The following NOS1AP variants were observed in gnomAD, a reference collection of about 807,000 sequenced individuals.
NOS1AP encodes nitric oxide synthase 1 adaptor protein.
NOS1AP carries 21 observed loss-of-function variants against 56.2 expected under a neutral mutation model. The observed-to-expected ratio is 0.37, with a 90% CI of 0.26 to 0.54. The LOEUF is 0.54. Ranked by LOEUF, NOS1AP falls within the 20% of genes least tolerant of loss-of-function variation. The pLI is 0.84. For synonymous variants in NOS1AP, 270 were observed against 274.6 expected (o/e 0.98, Z 0.17); for missense variants, 522 against 657.8 (o/e 0.79, Z 2.26).
chr1:162,179,736 G>C (rs1195067794), intron 2 of NOS1AP, among the ~76,000 whole-genome samples: 1 of 152,168 alleles, frequency 6.6e-6, no homozygotes, highest in Admixed American at 6.5e-5. Context: ...AGGGAGGGCT[G>C]GAGAGAGATG....
chr1:162,242,485 T>G (rs935915029), intron 2 of NOS1AP, among the ~76,000 whole-genome samples: 1 of 152,200 alleles, frequency 6.6e-6, no homozygotes, highest in Non-Finnish European at 1.5e-5. Flanking sequence ...CAGCTCCAGC[T>G]GAGCTCCCAG....
intron 2 of NOS1AP, among the ~76,000 whole-genome samples, chr1:162,160,379 A>G (rs1321856855): frequency 6.6e-6 from 1 of 152,194 alleles, no homozygotes; most frequent in Non-Finnish European, 1.5e-5. Context: ...TTCTCTCAAG[A>G]AAAACAAAAA....
chr1:162,355,514 G>A (rs1657673083), intron 7 of NOS1AP, among the ~76,000 whole-genome samples, 161 bp downstream of exon 7: 1 of 152,210 alleles, frequency 6.6e-6, no homozygotes, highest in Admixed American at 6.5e-5. Flanking sequence ...CTGACTTCCA[G>A]AGGGTCTGAA....
chr1:162,321,733 T>A (rs916944833), intron 4 of NOS1AP, among the ~76,000 whole-genome samples: 1,711 of 120,590 alleles, frequency 0.014, 16 homozygotes, highest in Non-Finnish European at 0.016. Context: ...AAAAAAAAAA[T>A]ATATATATAT....
At chr1:162,354,688 C>A (rs185422454) in intron 6 of NOS1AP, among the ~76,000 whole-genome samples, 2 of 152,294 alleles carry the variant, frequency 1.3e-5, no homozygotes, top group Admixed American at 1.3e-4. Flanking sequence ...CTGCCTTATT[C>A]CTCAGTCATG....
At chr1:162,215,788 T>G (rs1652549475) in intron 2 of NOS1AP, among the ~76,000 whole-genome samples, 1 of 152,216 alleles carries the variant, frequency 6.6e-6, no homozygotes, top group African/African-American at 2.4e-5. Context: ...TGATGTCGAA[T>G]TCTATAATCT....
At chr1:162,251,388 C>T (rs775168992) in intron 2 of NOS1AP, among the ~76,000 whole-genome samples, 3 of 152,078 alleles carry the variant, frequency 2.0e-5, no homozygotes, top group African/African-American at 4.8e-5. Flanking sequence ...TATGAGTCAA[C>T]GTTTTATGTG....
intron 2 of NOS1AP, among the ~76,000 whole-genome samples, chr1:162,246,973 T>C (rs1290406149): frequency 6.6e-6 from 1 of 152,202 alleles, no homozygotes; most frequent in African/African-American, 2.4e-5. Flanking sequence ...GGGAATCATA[T>C]TTAAAGCTAA....
chr1:162,104,527 C>T (rs1163070384), intron 1 of NOS1AP, among the ~76,000 whole-genome samples: 1 of 151,386 alleles, frequency 6.6e-6, no homozygotes, highest in African/African-American at 2.4e-5. Flanking sequence ...CTTTTTTTCC[C>T]ATCTCTTAAA....
intron 2 of NOS1AP, among the ~76,000 whole-genome samples, chr1:162,241,426 G>A (rs1263057198): frequency 3.9e-5 from 6 of 152,172 alleles, no homozygotes; most frequent in Non-Finnish European, 7.3e-5. Context: ...GGAGTTCAGA[G>A]GAGAGAGAGA....
intron 1 of NOS1AP, among the ~76,000 whole-genome samples, chr1:162,109,827 C>T (rs1647646999): frequency 1.3e-5 from 2 of 152,088 alleles, no homozygotes; most frequent in Admixed American, 6.5e-5. Flanking sequence ...CCCTTAAATT[C>T]GTGATCACAG....
At chr1:162,190,190 A>G (rs1651574945) in intron 2 of NOS1AP, among the ~76,000 whole-genome samples, 1 of 152,154 alleles carries the variant, frequency 6.6e-6, no homozygotes, top group Non-Finnish European at 1.5e-5. Flanking sequence ...CTCTCTGGCC[A>G]TGTTCACATA....
chr1:162,293,288 A>G lies in NOS1AP; in HGVS notation c.270+5852A>G, dbSNP rs1302767076. On this transcript the variant is annotated intron_variant, in intron 3 of 9. Coordinates refer to ENST00000361897, the MANE Select transcript of NOS1AP (RefSeq NM_014697.3). The stretch of plus-strand genomic sequence containing the variant: ...GAATAATGCTGCATGAATAATGGTG[A>G]AGCTTGCAGGCTTTGTGATACGCCT... 2.0e-5 allele frequency among the ~76,000 whole-genome samples: 3 copies of G among 152,012 alleles called. No individual in the cohort carries two copies. The East Asian group carries it at 5.8e-4, about 29-fold the overall frequency.
At chr1:162,264,917 G>A (rs1244933806) in intron 2 of NOS1AP, among the ~76,000 whole-genome samples, 1 of 150,928 alleles carries the variant, frequency 6.6e-6, no homozygotes, top group Non-Finnish European at 1.5e-5. Flanking sequence ...AGGCTCAAGC[G>A]ATTCTCTTGC....
At chr1:162,322,515 G>A (rs1266552795) in intron 4 of NOS1AP, among the ~76,000 whole-genome samples, 1 of 152,168 alleles carries the variant, frequency 6.6e-6, no homozygotes, top group Non-Finnish European at 1.5e-5. Context: ...CAGGTACAGA[G>A]GGAGTTATGG....
At chr1:162,183,983 C>T (rs944543907) in intron 2 of NOS1AP, among the ~76,000 whole-genome samples, 7 of 152,330 alleles carry the variant, frequency 4.6e-5, no homozygotes, top group East Asian at 1.9e-4. Flanking sequence ...GCCTAGCTTT[C>T]GGCCTATCTC....
At chr1:162,113,619 G>A (rs910709993) in intron 1 of NOS1AP, among the ~76,000 whole-genome samples, 1 of 152,152 alleles carries the variant, frequency 6.6e-6, no homozygotes, top group Non-Finnish European at 1.5e-5. Context: ...TGGCCGGAAC[G>A]GGAGGAAGTG....
chr1:162,350,774 A>G (rs1657465028), intron 6 of NOS1AP, among the ~76,000 whole-genome samples: 1 of 151,670 alleles, frequency 6.6e-6, no homozygotes, highest in Non-Finnish European at 1.5e-5. Flanking sequence ...TTCATCCTAC[A>G]TACCTGCAAC....
chr1:162,258,630 T>A (rs530146541), intron 2 of NOS1AP, among the ~76,000 whole-genome samples: 4 of 152,328 alleles, frequency 2.6e-5, no homozygotes, highest in Non-Finnish European at 5.9e-5. Flanking sequence ...ACAGTGGAAA[T>A]TGCCTGACAG....
Sources: allele counts gnomAD v4.1 joint callset (sites outside exome capture counted in the v4.1 genomes callset), GRCh38; gene constraint gnomAD v4.1.1; transcripts MANE v1.5; gene names NCBI Gene and HGNC (gene_info 2026-07-23, HGNC 2026-07-21).